The following RHOU variants were observed in gnomAD, a reference collection of about 807,000 sequenced individuals.
RHOU encodes ras homolog family member U, also known as rho-related GTP-binding protein RhoU.
RHOU carries 8 observed loss-of-function variants against 12.6 expected under a neutral mutation model. That is an observed-to-expected ratio of 0.64 (90% CI 0.37 to 1.15). The LOEUF is 1.15. Ranked by LOEUF, RHOU falls within the 50% of genes most tolerant of loss-of-function variation. The probability of loss-of-function intolerance (pLI) is 0.01; values close to 1 mark genes in which losing one functional copy is unlikely to be tolerated. For missense variants in RHOU, 258 were observed against 347.0 expected (o/e 0.74, Z 2.04); for synonymous variants, 161 against 147.4 (o/e 1.09, Z -0.67).
Position 228,744,441 on chromosome 1 carries a change from G to A in RHOU, c.*701G>A, listed in dbSNP as rs1173882780. The A allele has an allele frequency of 6.6e-6, 1 of 152,236 alleles. No homozygotes were observed. The highest frequency in any genetic ancestry group is 2.4e-5 in the African/African-American group (1 of 41,450). The allele number at this position is 152,236 out of a possible 1,614,324, so 9.4% of individuals were successfully genotyped here. A position where few individuals can be genotyped will look rare whatever the true frequency, so the allele number is the denominator to read the frequency against. Reference sequence around the variant, plus strand: ...AGTTGTGTTGACACATATGAACACAGACAAAGTGCTATGCGGAGGAAAGCA... The same window carrying A: ...AGTTGTGTTGACACATATGAACACAAACAAAGTGCTATGCGGAGGAAAGCA... On this transcript the variant is annotated 3_prime_UTR_variant, in exon 3 of 3. Coordinates refer to ENST00000366691, the MANE Select transcript of RHOU (RefSeq NM_021205.6).
rs529564708 is a variant in RHOU, at chr1:228,743,414, T to A, written c.451T>A (p.Cys151Ser). The A allele has an allele frequency of 3.7e-6, 6 of 1,614,184 alleles. No individual in the cohort carries two copies. The East Asian group carries it at 8.9e-5, about 24-fold the overall frequency. Residue 151 changes from cysteine to serine, a missense_variant, in exon 3 of 3, where the codon TGT (cysteine) becomes AGT (serine). Transcript: ENST00000366691. The surrounding 1 kb of genome is among the most constrained non-coding windows in gnomAD (Gnocchi z 5.1). Reference protein sequence around the residue: ...EKWVPEIRCHCPKAPIILVGT... With the variant: ...EKWVPEIRCHSPKAPIILVGT... ...ATGGGTGCCGGAGATTCGATGCCAC[T>A]GTCCCAAAGCCCCCATCATCCTAGT... is the stretch of plus-strand genomic sequence containing the variant.
At chr1:228,711,047 T>C in the RHOU span, among the ~76,000 whole-genome samples, 1 of 151,962 alleles carries the variant, frequency 6.6e-6, no homozygotes, top group Non-Finnish European at 1.5e-5. Flanking sequence ...ATGAGTGAAC[T>C]CCCATTCACA....
chr1:228,671,242 T>G, the RHOU span, among the ~76,000 whole-genome samples: 2 of 152,106 alleles, frequency 1.3e-5, no homozygotes, highest in Non-Finnish European at 2.9e-5. Flanking sequence ...TGACCTCAGG[T>G]GATCCACTCG....
chr1:228,735,870 G>C lies in RHOU; in HGVS notation c.128G>C (p.Gly43Ala), dbSNP rs753611187. ...PGEPGGRGRA[G>A]GAEGRGVKCV... The stretch of plus-strand genomic sequence containing the variant: ...GAGCCGGGGGGCCGGGGGCGTGCGG[G>C]GGGTGCCGAGGGGCGCGGCGTCAAG... Residue 43 changes from glycine to alanine, a missense_variant, in exon 1 of 3, where the codon GGG (glycine) becomes GCG (alanine). Transcript: ENST00000366691. The surrounding 1 kb of genome is among the most constrained non-coding windows in gnomAD (Gnocchi z 8.1). 2.0e-6 allele frequency: 3 copies of C among 1,474,504 alleles called. No homozygotes were observed. The East Asian group carries it at 8.3e-5, about 41-fold the overall frequency. The allele number at this position is 1,474,504 out of a possible 1,614,324, so 91.3% of individuals were successfully genotyped here.
rs1386000596 is a variant in RHOU, at chr1:228,735,620, C to T, written c.-123C>T. On this transcript the variant is annotated 5_prime_UTR_variant, in exon 1 of 3. Coordinates refer to ENST00000366691, the MANE Select transcript of RHOU (RefSeq NM_021205.6). This position sits in a 1 kb window ranked among gnomAD's most constrained non-coding sequence, Gnocchi z 8.1. Reference sequence around the variant, plus strand: ...CGTGCGGCCCGGAACCGCCACTCTCCAGGGCCGGGGACGCGCCCGCAGCTG... The same window carrying T: ...CGTGCGGCCCGGAACCGCCACTCTCTAGGGCCGGGGACGCGCCCGCAGCTG... The T allele has an allele frequency of 1.2e-6, 1 of 807,960 alleles. No homozygotes were observed. The highest frequency in any genetic ancestry group is 1.6e-6 in the Non-Finnish European group (1 of 625,116). 50.0% of individuals were successfully genotyped at this position (807,960 alleles called of 1,614,324 possible).
At chr1:228,689,007 A>C in the RHOU span, among the ~76,000 whole-genome samples, 63 of 152,332 alleles carry the variant, frequency 4.1e-4, no homozygotes, top group African/African-American at 1.5e-3. Flanking sequence ...CAGAATGGAC[A>C]GTAATTTTAA....
the RHOU span, among the ~76,000 whole-genome samples, chr1:228,675,587 C>T: frequency 5.9e-5 from 9 of 152,272 alleles, no homozygotes; most frequent in Middle Eastern, 3.4e-3. Context: ...GTTTAATACA[C>T]TTTTGTGTAG....
the RHOU span, among the ~76,000 whole-genome samples, chr1:228,728,079 A>G: frequency 1.3e-5 from 2 of 152,222 alleles, no homozygotes; most frequent in African/African-American, 4.8e-5. Flanking sequence ...TCCAGGTCCC[A>G]GGGAATGGAG....
At chr1:228,665,578 G>T in the RHOU span, among the ~76,000 whole-genome samples, 1 of 152,146 alleles carries the variant, frequency 6.6e-6, no homozygotes, top group Non-Finnish European at 1.5e-5. Context: ...GTGGAGTGGG[G>T]ACAGTAATAT....
the RHOU span, among the ~76,000 whole-genome samples, chr1:228,713,647 T>C: frequency 1.3e-5 from 2 of 152,102 alleles, no homozygotes; most frequent in Non-Finnish European, 2.9e-5. Context: ...ATATTCTTTA[T>C]AATAAACTGG....
chr1:228,646,802 A>G, the RHOU span, among the ~76,000 whole-genome samples: 4 of 151,952 alleles, frequency 2.6e-5, no homozygotes, highest in African/African-American at 9.7e-5. Context: ...GCGCAGACGC[A>G]CGCACACACA....
chr1:228,687,450 C>T, the RHOU span: 13 of 1,503,976 alleles, frequency 8.6e-6, no homozygotes, highest in Non-Finnish European at 1.1e-5. Context: ...CTTTCTTCAC[C>T]AATCTCATGA....
At chr1:228,692,605 A>T in the RHOU span, among the ~76,000 whole-genome samples, 4,346 of 152,088 alleles carry the variant, frequency 0.029, 210 homozygotes, top group African/African-American at 0.098. Flanking sequence ...AAATTTTTTT[A>T]AAAATATTTT....
the RHOU span, among the ~76,000 whole-genome samples, chr1:228,691,544 T>C: frequency 6.6e-6 from 1 of 152,178 alleles, no homozygotes; most frequent in Non-Finnish European, 1.5e-5. Context: ...GCTTCTTTCA[T>C]GCATTTAAGG....
At chr1:228,653,096 A>G in the RHOU span, among the ~76,000 whole-genome samples, 1 of 152,224 alleles carries the variant, frequency 6.6e-6, no homozygotes, top group Non-Finnish European at 1.5e-5. Context: ...GGGTTTATAG[A>G]TACTGTAAAC....
At chr1:228,682,677 C>T in the RHOU span, among the ~76,000 whole-genome samples, 17 of 152,116 alleles carry the variant, frequency 1.1e-4, no homozygotes, top group South Asian at 3.3e-3. Flanking sequence ...GGGGCAGAAA[C>T]AAATCATAAT....
the RHOU span, among the ~76,000 whole-genome samples, chr1:228,707,499 C>T: frequency 2.0e-5 from 3 of 151,300 alleles, no homozygotes; most frequent in Admixed American, 6.6e-5. Context: ...GGTCCCTGAC[C>T]CCTGACCCCC....
At chr1:228,704,236 T>C in the RHOU span, among the ~76,000 whole-genome samples, 2 of 152,166 alleles carry the variant, frequency 1.3e-5, 1 homozygote, top group South Asian at 4.1e-4. Context: ...TAGACTGATG[T>C]CTCATGTCTC....
the RHOU span, among the ~76,000 whole-genome samples, chr1:228,721,285 C>CA: frequency 6.6e-6 from 1 of 152,152 alleles, no homozygotes; most frequent in Non-Finnish European, 1.5e-5. Context: ...CTGGGCAACA[C>CA]AGATTCCATC....
Sources: gnomAD v4.1 joint callset for allele counts (sites outside exome capture counted in the v4.1 genomes callset) on GRCh38, gnomAD v4.1.1 for gene constraint, Gnocchi (gnomAD v3.1) non-coding constraint, MANE v1.5 for transcripts, NCBI Gene and HGNC (gene_info 2026-07-23, HGNC 2026-07-21) for gene names.